Variants in OSBPL10 observed in about 807,000 individuals in gnomAD.
The protein encoded by OSBPL10 is oxysterol-binding protein-related protein 10.
A neutral mutation model predicts 81.7 loss-of-function variants in OSBPL10; 49 were observed. The observed-to-expected ratio is 0.60, with a 90% CI of 0.48 to 0.76. The LOEUF (loss-of-function observed/expected upper bound fraction) is 0.76, where lower values mean the gene tolerates loss of function less well. OSBPL10 is among the 30% of genes least tolerant of loss of function. OSBPL10 has a pLI of 0.00. For synonymous variants in OSBPL10, 419 were observed against 383.6 expected, an observed-to-expected ratio of 1.09 and a Z score of -1.08; for missense variants, 923 against 987.8, an observed-to-expected ratio of 0.93 and a Z score of 0.88.
chr3:31,857,816 AAGGGAG>A lies in OSBPL10; in HGVS notation c.537+18611_537+18616del, dbSNP rs369541794. On this transcript the variant is annotated intron_variant, in intron 3 of 11. Coordinates refer to ENST00000396556, the MANE Select transcript of OSBPL10 (RefSeq NM_017784.5). ...AGAGACAGAAAGGGAGAGAGAGAGAAAGGGAGAGGGAGAGGGAGAGGGAAAGAGGGA... is the reference window on the plus strand; with the variant it reads ...AGAGACAGAAAGGGAGAGAGAGAGAAAGGGAGAGGGAGAGGGAAAGAGGGA... 4.7e-3 allele frequency among the ~76,000 whole-genome samples: 37 copies of A among 7,798 alleles called. 2 individuals are homozygous for A. Among genetic ancestry groups the A allele is most frequent in the African/African-American group, 8.0e-3 (21 of 2,614 alleles). The allele number at this position is 7,798 out of a possible 152,430, so 5.1% of individuals were successfully genotyped here. A position where few individuals can be genotyped will look rare whatever the true frequency, so the allele number is the denominator to read the frequency against.
chr3:31,795,170 A>T (rs1699166667), intron 4 of OSBPL10: 2 of 109,026 alleles, frequency 1.8e-5, no homozygotes, highest in Non-Finnish European at 1.7e-5. Flanking sequence ...TTGGAGACAG[A>T]GTCTCACTCT....
chr3:31,892,706 T>TGAGGGA (rs1196698579), intron 1 of OSBPL10, among the ~76,000 whole-genome samples: 3 of 152,138 alleles, frequency 2.0e-5, no homozygotes, highest in Admixed American at 6.6e-5. Flanking sequence ...TTCTGCTGCC[T>TGAGGGA]GAGGGAGAGG....
intron 4 of OSBPL10, among the ~76,000 whole-genome samples, chr3:31,776,756 A>G (rs996050131): frequency 1.3e-5 from 2 of 152,156 alleles, no homozygotes; most frequent in Non-Finnish European, 2.9e-5. Context: ...CCACAGAACC[A>G]TGATTGGTTG....
intron 1 of OSBPL10, among the ~76,000 whole-genome samples, chr3:31,884,873 T>C (rs932301291): frequency 6.6e-6 from 1 of 152,092 alleles, no homozygotes; most frequent in Non-Finnish European, 1.5e-5. Flanking sequence ...AGAGAGAACA[T>C]ACTTTCTTTG....
chr3:31,812,116 C>T (rs1442183972), intron 4 of OSBPL10, among the ~76,000 whole-genome samples: 1 of 152,152 alleles, frequency 6.6e-6, no homozygotes, highest in African/African-American at 2.4e-5. Context: ...CAACCTCCGC[C>T]TGCCTCCCAG....
chr3:31,677,709 G>C (rs1700515850), intron 8 of OSBPL10, among the ~76,000 whole-genome samples: 1 of 152,186 alleles, frequency 6.6e-6, no homozygotes, highest in Admixed American at 6.5e-5. Flanking sequence ...TGCTGCCTAT[G>C]AGAAACAGAG....
At chr3:31,781,859 ATTG>A (rs1444298036) in intron 4 of OSBPL10, among the ~76,000 whole-genome samples, 1 of 152,234 alleles carries the variant, frequency 6.6e-6, no homozygotes, top group Non-Finnish European at 1.5e-5. Flanking sequence ...TGGCATCGAT[ATTG>A]TGAAAATGAC....
intron 4 of OSBPL10, among the ~76,000 whole-genome samples, chr3:31,758,998 T>A (rs1361096001): frequency 6.6e-6 from 1 of 152,172 alleles, no homozygotes; most frequent in South Asian, 2.1e-4. Flanking sequence ...AACCTCATCA[T>A]TGTTTAGTTG....
chr3:31,737,119 G>C (rs1697199490), intron 5 of OSBPL10, among the ~76,000 whole-genome samples: 1 of 152,160 alleles, frequency 6.6e-6, no homozygotes, highest in South Asian at 2.1e-4. Context: ...GACAAGGAAA[G>C]TTGGCAATGC....
At chr3:32,009,061 A>T (rs1451740400) in intron 2 of OSBPL10, among the ~76,000 whole-genome samples, 9 of 152,332 alleles carry the variant, frequency 5.9e-5, no homozygotes, top group Middle Eastern at 3.4e-3. Context: ...TATGTTTTTT[A>T]AAATCATGAA....
At chr3:31,908,682 C>T (rs989366192) in intron 1 of OSBPL10, among the ~76,000 whole-genome samples, 1 of 152,174 alleles carries the variant, frequency 6.6e-6, no homozygotes, top group East Asian at 1.9e-4. Context: ...AGGATGTTTG[C>T]TTGCCTTTAA....
At chr3:31,664,562 T>C in intron 10 of OSBPL10, 1 of 425,584 alleles carries the variant, frequency 2.3e-6, no homozygotes, top group Non-Finnish European at 4.3e-6. Flanking sequence ...ATTTGCCATA[T>C]TTCTAAGCAT....
chr3:31,697,539 T>A (rs1695762821), intron 7 of OSBPL10, among the ~76,000 whole-genome samples: 1 of 151,860 alleles, frequency 6.6e-6, no homozygotes, highest in African/African-American at 2.4e-5. Flanking sequence ...AAAACAAAAT[T>A]TAAAAACACA....
chr3:31,761,813 TAA>T lies in OSBPL10; in HGVS notation c.730-13695_730-13694del, dbSNP rs34579457. Among the ~76,000 whole-genome samples the T allele has an allele frequency of 3.5e-3, 377 of 107,492 alleles. 7 individuals carry two copies. The highest frequency in any genetic ancestry group is 4.3e-3 in the Middle Eastern group (1 of 232). 70.5% of individuals were successfully genotyped at this position (107,492 alleles called of 152,430 possible). On this transcript the variant is annotated intron_variant, in intron 4 of 11. Transcript: ENST00000396556. Reference sequence around the variant, plus strand: ...CTGGGCAACAGAGCAAGACTGTCTCTAAAAAAAAAAAAAAAAAACCCTAAAGG... The same window carrying T: ...CTGGGCAACAGAGCAAGACTGTCTCTAAAAAAAAAAAAAAAACCCTAAAGG...
chr3:31,860,853 TG>T (rs200741724), intron 3 of OSBPL10, among the ~76,000 whole-genome samples: 2 of 138,266 alleles, frequency 1.4e-5, no homozygotes, highest in African/African-American at 6.6e-5. Context: ...TGGGGTTTTT[TG>T]GGGTTTTTTT....
chr3:31,894,417 G>A (rs1455879396), intron 1 of OSBPL10, among the ~76,000 whole-genome samples: 1 of 152,154 alleles, frequency 6.6e-6, no homozygotes, highest in Non-Finnish European at 1.5e-5. Context: ...AGCACAGAAA[G>A]GACAGAGTGA....
intron 2 of OSBPL10, among the ~76,000 whole-genome samples, chr3:32,033,739 T>C (rs1414605985): frequency 1.3e-5 from 2 of 152,114 alleles, no homozygotes; most frequent in East Asian, 3.9e-4. Flanking sequence ...TATTCTTTAG[T>C]GTAAAGAAAG....
chr3:31,865,210 C>T (rs114941364), intron 3 of OSBPL10, among the ~76,000 whole-genome samples: 2,987 of 152,290 alleles, frequency 0.02, 91 homozygotes, highest in African/African-American at 0.068. Flanking sequence ...ATAGTGGAAG[C>T]TTTACCAGCT....
At chr3:31,930,715 T>C (rs1413385472) in intron 1 of OSBPL10, among the ~76,000 whole-genome samples, 4 of 151,750 alleles carry the variant, frequency 2.6e-5, no homozygotes, top group Non-Finnish European at 2.9e-5. Flanking sequence ...TGCTACTGGG[T>C]AGAATAAAAA....
Sources: allele counts gnomAD v4.1 joint callset (sites outside exome capture counted in the v4.1 genomes callset), GRCh38; gene constraint gnomAD v4.1.1; transcripts MANE v1.5; gene names NCBI Gene and HGNC (gene_info 2026-07-23, HGNC 2026-07-21).